The following ZBTB7C variants were observed in gnomAD, a reference collection of about 807,000 sequenced individuals.
ZBTB7C encodes zinc finger and BTB domain containing 7C.
In ZBTB7C, 8 loss-of-function variants were observed where a neutral mutation model predicts 25.7. That is an observed-to-expected ratio of 0.31 (90% CI 0.18 to 0.56). The LOEUF (loss-of-function observed/expected upper bound fraction) is 0.56. ZBTB7C is among the 20% of genes least tolerant of loss of function. ZBTB7C has a pLI of 0.91. For missense variants in ZBTB7C, 824 were observed against 855.2 expected (o/e 0.96, Z 0.46); for synonymous variants, 394 against 369.0 (o/e 1.07, Z -0.78).
intron 2 of ZBTB7C, among the ~76,000 whole-genome samples, chr18:48,242,635 G>A (rs2043560643): frequency 6.6e-6 from 1 of 152,170 alleles, no homozygotes; most frequent in Admixed American, 6.5e-5. Context: ...AAAAGCATTT[G>A]ACAATATCTA....
At chr18:48,225,931 C>T (rs1374158096) in intron 2 of ZBTB7C, among the ~76,000 whole-genome samples, 1 of 152,088 alleles carries the variant, frequency 6.6e-6, no homozygotes, top group Non-Finnish European at 1.5e-5. Flanking sequence ...TTAGTAGAGA[C>T]GGGGTTTCAC....
rs531027117 is a variant in ZBTB7C, at chr18:48,284,019, C to A, written c.-79+54155G>T. The stretch of plus-strand genomic sequence containing the variant: ...GAAATTTGCCAGGCATAGTGGTGCA[C>A]GCCTATAGTCCCAGTTACTCAGGAG... On this transcript the variant is annotated intron_variant, in intron 2 of 4. Coordinates refer to ENST00000590800, the MANE Select transcript of ZBTB7C (RefSeq NM_001318841.2). Among the ~76,000 whole-genome samples, 3 of 152,140 alleles carry A rather than the reference C, an allele frequency of 2.0e-5. No homozygotes were observed. In the South Asian group the frequency reaches 6.2e-4, roughly 32 times the overall value.
At chr18:48,099,532 A>T (rs2038756385) in intron 3 of ZBTB7C, among the ~76,000 whole-genome samples, 2 of 152,104 alleles carry the variant, frequency 1.3e-5, no homozygotes, top group South Asian at 4.1e-4. Flanking sequence ...CCCCTCCCTC[A>T]TGCATACCTT....
At chr18:48,089,741 T>C (rs1460874595) in intron 3 of ZBTB7C, among the ~76,000 whole-genome samples, 1 of 152,180 alleles carries the variant, frequency 6.6e-6, no homozygotes, top group Non-Finnish European at 1.5e-5. Flanking sequence ...AGGTGCAAGA[T>C]GATAAAGTTT....
chr18:48,270,233 C>G (rs1203270105), intron 2 of ZBTB7C, among the ~76,000 whole-genome samples: 2 of 150,232 alleles, frequency 1.3e-5, no homozygotes, highest in Middle Eastern at 3.5e-3. Flanking sequence ...AAACCTAAAC[C>G]TAGTTCTTTT....
chr18:48,040,261 C>A lies in ZBTB7C; in HGVS notation c.847G>T (p.Val283Phe). 6.4e-7 allele frequency: 1 copy of A among 1,561,968 alleles called. No individual in the cohort carries two copies. Among genetic ancestry groups the A allele is most frequent in the African/African-American group, 1.4e-5 (1 of 73,370 alleles). The change falls in exon 4 of 5, where the codon GTC (valine) becomes TTC (phenylalanine). Residue 283 changes from valine (V) to phenylalanine (F), a missense_variant. This residue lies in a region of ZBTB7C where 316 missense variants were observed against 299.2 expected (regional missense o/e 1.06). Transcript: ENST00000590800. The stretch of plus-strand genomic sequence containing the variant: ...TCCTTGATCTTCCGATTCTTGATGA[C>A]CAGATCCAGTGGCCCACTGTCCATG... ...QPMDSGPLDL[V>F]IKNRKIKEEE... is the part of the protein sequence containing the mutation.
intron 2 of ZBTB7C, among the ~76,000 whole-genome samples, chr18:48,210,944 C>T (rs939956813): frequency 2.0e-5 from 3 of 151,914 alleles, no homozygotes; most frequent in African/African-American, 7.3e-5. Flanking sequence ...TCAAGAACTA[C>T]TTATAAAATT....
intron 3 of ZBTB7C, among the ~76,000 whole-genome samples, chr18:48,064,443 G>A (rs1355308479): frequency 6.6e-6 from 1 of 152,178 alleles, no homozygotes; most frequent in Non-Finnish European, 1.5e-5. Flanking sequence ...GTGAGTTGAG[G>A]CAAGAAGAAT....
intron 2 of ZBTB7C, among the ~76,000 whole-genome samples, chr18:48,190,718 A>G (rs1199097247): frequency 6.6e-6 from 1 of 152,156 alleles, no homozygotes; most frequent in South Asian, 2.1e-4. Flanking sequence ...GGCCCAAGGC[A>G]CCCCAGAGAG....
chr18:48,365,222 G>A (rs1174474497), intron 1 of ZBTB7C, among the ~76,000 whole-genome samples: 1 of 152,136 alleles, frequency 6.6e-6, no homozygotes, highest in East Asian at 1.9e-4. Flanking sequence ...GATTACACTG[G>A]TGCTTTCATT....
At chr18:48,068,713 A>T (rs2037429624) in intron 3 of ZBTB7C, among the ~76,000 whole-genome samples, 1 of 152,168 alleles carries the variant, frequency 6.6e-6, no homozygotes, top group Admixed American at 6.5e-5. Context: ...CCAGGACCTA[A>T]GAATCAGAAC....
At chr18:48,034,850 T>C (rs567464865) in intron 4 of ZBTB7C, among the ~76,000 whole-genome samples, 24 of 152,280 alleles carry the variant, frequency 1.6e-4, no homozygotes, top group Non-Finnish European at 1.6e-4. Context: ...GGGAAAGTCA[T>C]GTGAGTCCTC....
intron 2 of ZBTB7C, chr18:48,252,316 C>T (rs2043885878): frequency 6.6e-6 from 1 of 152,154 alleles, no homozygotes. Flanking sequence ...GAGAATAGTG[C>T]ATTGTGAAGG....
chr18:48,104,851 G>A (rs1375517702), intron 3 of ZBTB7C, among the ~76,000 whole-genome samples: 2 of 152,188 alleles, frequency 1.3e-5, no homozygotes, highest in South Asian at 2.1e-4. Context: ...TGGGGCCATC[G>A]TGCAGTGCCT....
intron 3 of ZBTB7C, among the ~76,000 whole-genome samples, chr18:48,091,942 C>G (rs1212269918): frequency 6.6e-6 from 1 of 152,204 alleles, no homozygotes; most frequent in Non-Finnish European, 1.5e-5. Flanking sequence ...TCCTCCAGTC[C>G]TGGGTCAAGT....
chr18:48,086,525 T>C (rs1012026818), intron 3 of ZBTB7C, among the ~76,000 whole-genome samples: 1 of 152,210 alleles, frequency 6.6e-6, no homozygotes. Flanking sequence ...AGCCTCTCTG[T>C]TGCCTGGAAT....
intron 1 of ZBTB7C, among the ~76,000 whole-genome samples, chr18:48,345,969 C>T (rs966983961): frequency 6.6e-6 from 1 of 152,192 alleles, no homozygotes; most frequent in Non-Finnish European, 1.5e-5. Context: ...TGGAAATAAC[C>T]ATTTATCTAG....
At chr18:48,368,571 C>G (rs988475867) in intron 1 of ZBTB7C, among the ~76,000 whole-genome samples, 4 of 152,082 alleles carry the variant, frequency 2.6e-5, no homozygotes, top group African/African-American at 4.8e-5. Context: ...AAAAGATAAA[C>G]CTACAGATTC....
chr18:48,169,352 C>T (rs2041385390), intron 3 of ZBTB7C, among the ~76,000 whole-genome samples: 1 of 152,134 alleles, frequency 6.6e-6, no homozygotes, highest in Admixed American at 6.5e-5. Flanking sequence ...ACGGTTTCAG[C>T]TCCCCAAACT....
Sources: allele counts gnomAD v4.1 joint callset (sites outside exome capture counted in the v4.1 genomes callset), GRCh38; gene constraint gnomAD v4.1.1; regional missense constraint gnomAD v4.1.1; transcripts MANE v1.5; gene names NCBI Gene and HGNC (gene_info 2026-07-23, HGNC 2026-07-21).